Variants in CXADR observed in about 807,000 individuals in gnomAD.
CXADR encodes the protein coxsackievirus and adenovirus receptor.
Under a neutral mutation model 40.3 loss-of-function variants are expected in CXADR, and 20 were observed. That is an observed-to-expected ratio of 0.50 (90% CI 0.35 to 0.72). The LOEUF (loss-of-function observed/expected upper bound fraction) is 0.72, where lower values mean the gene tolerates loss of function less well. Among genes scored for constraint, CXADR ranks in the 30% least tolerant of loss-of-function variants. The pLI is 0.01. For missense variants in CXADR, 332 were observed against 449.1 expected, an observed-to-expected ratio of 0.74 and a Z score of 2.36; for synonymous variants, 150 against 161.3, an observed-to-expected ratio of 0.93 and a Z score of 0.53.
chr21:17,558,375 C>G (rs1387673349), intron 3 of CXADR, among the ~76,000 whole-genome samples: 3 of 152,242 alleles, frequency 2.0e-5, no homozygotes, highest in Non-Finnish European at 4.4e-5. Context: ...AGTGATCCCC[C>G]CACTGTCTTG....
At chr21:17,539,685 C>T (rs1569099936) in intron 1 of CXADR, among the ~76,000 whole-genome samples, 2 of 152,170 alleles carry the variant, frequency 1.3e-5, no homozygotes, top group South Asian at 2.1e-4. Flanking sequence ...AATTCCTGTG[C>T]ACTTCTGTAT....
Position 17,569,456 on chromosome 21 carries a change from T to C in CXADR, c.*3764T>C, listed in dbSNP as rs2061256707. On this transcript the variant is annotated 3_prime_UTR_variant, in exon 7 of 7. Coordinates refer to ENST00000284878, the MANE Select transcript of CXADR (RefSeq NM_001338.5). Reference sequence around the variant, plus strand: ...CAAGTTTTAATATTTTGAATGCCTTTGGATATTCCAGCAATAAAGGCATCA... The same window carrying C: ...CAAGTTTTAATATTTTGAATGCCTTCGGATATTCCAGCAATAAAGGCATCA... 6.1e-6 allele frequency: 6 copies of C among 985,222 alleles called. No homozygotes were observed. The highest frequency in any genetic ancestry group is 7.2e-6 in the Non-Finnish European group (6 of 829,894). The allele number at this position is 985,222 out of a possible 1,614,324, so 61.0% of individuals were successfully genotyped here. A position where few individuals can be genotyped will look rare whatever the true frequency, so the allele number is the denominator to read the frequency against.
At chr21:17,552,288 A>G (rs1356300561) in intron 3 of CXADR, among the ~76,000 whole-genome samples, 1 of 152,208 alleles carries the variant, frequency 6.6e-6, no homozygotes, top group Admixed American at 6.5e-5. Flanking sequence ...ATTATGTAGA[A>G]CCATGTTTCT....
At chr21:17,617,388 A>G in the CXADR span, among the ~76,000 whole-genome samples, 3 of 152,306 alleles carry the variant, frequency 2.0e-5, no homozygotes, top group Admixed American at 2.0e-4. Flanking sequence ...GTAATGCATA[A>G]ACTCCTATCT....
the CXADR span, among the ~76,000 whole-genome samples, chr21:17,634,148 A>G: frequency 2.6e-5 from 4 of 152,210 alleles, no homozygotes; most frequent in East Asian, 7.7e-4. Context: ...GGAATAACAG[A>G]GGAGGAAATA....
intron 3 of CXADR, among the ~76,000 whole-genome samples, chr21:17,554,409 T>G (rs1212387111): frequency 6.6e-6 from 1 of 152,046 alleles, no homozygotes; most frequent in East Asian, 1.9e-4. Flanking sequence ...AATGGGTAAG[T>G]GGGAAGCATT....
rs188643477 is a variant in CXADR, at chr21:17,551,784, C to T, written c.246C>T (p.Asp82=). The change falls in exon 3 of 7, where the codon GAC becomes GAT. Residue 82 remains aspartate, a synonymous_variant. Transcript: ENST00000284878. ...ILYSGDKIYD[D]YYPDLKGRVH... The stretch of plus-strand genomic sequence containing the variant: ...ATTCTGGAGACAAAATTTATGATGA[C>T]TACTATCCAGATCTGAAAGGCCGAG... 21 of 1,613,506 alleles carry T rather than the reference C, an allele frequency of 1.3e-5. No homozygotes were observed. In the Admixed American group the frequency reaches 2.0e-4, roughly 15 times the overall value.
the CXADR span, chr21:17,613,771 G>C: frequency 1.3e-5 from 2 of 152,280 alleles, no homozygotes; most frequent in East Asian, 3.9e-4. Context: ...TTTATATTGA[G>C]TTAACACCAT....
At chr21:17,544,731 G>C (rs573166903) in intron 1 of CXADR, among the ~76,000 whole-genome samples, 6 of 152,294 alleles carry the variant, frequency 3.9e-5, no homozygotes, top group African/African-American at 1.4e-4. Context: ...AGGTTTAAGG[G>C]AGCAGGTGCA....
chr21:17,546,256 C>CT (rs1378624102), intron 1 of CXADR, among the ~76,000 whole-genome samples: 6 of 152,176 alleles, frequency 3.9e-5, no homozygotes, highest in Admixed American at 1.3e-4. Context: ...AGCATATACC[C>CT]TACCGACAGT....
At chr21:17,563,502 A>G (rs961638033) in intron 6 of CXADR, among the ~76,000 whole-genome samples, 1 of 152,084 alleles carries the variant, frequency 6.6e-6, no homozygotes, top group Non-Finnish European at 1.5e-5. Flanking sequence ...GGCATCATTC[A>G]TGGTGCCCCA....
exon 8 of CXADR, chr21:17,593,234 CT>C: frequency 7.3e-7 from 1 of 1,371,496 alleles, no homozygotes; most frequent in Non-Finnish European, 9.5e-7. Context: ...TATTATTTGA[CT>C]TTATTTTAGG....
downstream of CXADR, among the ~76,000 whole-genome samples, chr21:17,594,703 T>C (rs138332248): frequency 1.4e-4 from 21 of 152,058 alleles, no homozygotes; most frequent in African/African-American, 4.6e-4. Flanking sequence ...ATACAAAACA[T>C]TGGAGCTGGA....
chr21:17,625,443 C>T, the CXADR span, among the ~76,000 whole-genome samples: 1 of 152,094 alleles, frequency 6.6e-6, no homozygotes, highest in African/African-American at 2.4e-5. Flanking sequence ...GATCATTACA[C>T]ATTTTATATA....
chr21:17,598,696 G>A, the CXADR span: 6 of 1,614,108 alleles, frequency 3.7e-6, no homozygotes, highest in Non-Finnish European at 5.1e-6. Context: ...ATCTGAAGAA[G>A]AGGATCCTGA....
In CXADR at chr21:17,569,512, C is replaced by T. The variant is rs1430596571; in HGVS notation, c.*3820C>T. 1.0e-6 allele frequency: 1 copy of T among 985,068 alleles called. No individual in the cohort carries two copies. Among genetic ancestry groups the T allele is most frequent in the African/African-American group, 1.7e-5 (1 of 57,164 alleles). 61.0% of individuals were successfully genotyped at this position (985,068 alleles called of 1,614,324 possible). A position where few individuals can be genotyped will look rare whatever the true frequency, so the allele number is the denominator to read the frequency against. On this transcript the variant is annotated 3_prime_UTR_variant, in exon 7 of 7. Coordinates refer to ENST00000284878, the MANE Select transcript of CXADR (RefSeq NM_001338.5). Reference sequence around the variant, plus strand: ...TGCAATAGGATTTCTTACTCATTTACCTATTTTAACACTAAAATAGACCAC... The same window carrying T: ...TGCAATAGGATTTCTTACTCATTTATCTATTTTAACACTAAAATAGACCAC...
At chr21:17,570,445 G>T (rs764100981), downstream of CXADR, among the ~76,000 whole-genome samples, 10 of 152,180 alleles carry the variant, frequency 6.6e-5, no homozygotes, top group Non-Finnish European at 4.4e-5. Context: ...AGGATGGGAA[G>T]TCAAAGATCA....
chr21:17,552,658 G>C (rs2060983505), intron 3 of CXADR, among the ~76,000 whole-genome samples: 1 of 152,140 alleles, frequency 6.6e-6, no homozygotes, highest in Admixed American at 6.5e-5. Context: ...TACACAAAAT[G>C]TACATTGGCT....
At chr21:17,570,635 C>T (rs1043682520), downstream of CXADR, among the ~76,000 whole-genome samples, 7 of 152,118 alleles carry the variant, frequency 4.6e-5, no homozygotes, top group African/African-American at 1.4e-4. Flanking sequence ...CCCAGAGGGG[C>T]CCCACATCTG....
Sources: gnomAD v4.1 joint callset for allele counts (sites outside exome capture counted in the v4.1 genomes callset) on GRCh38, gnomAD v4.1.1 for gene constraint, MANE v1.5 for transcripts, NCBI Gene and HGNC (gene_info 2026-07-23, HGNC 2026-07-21) for gene names.